Variants in TUSC3 observed in about 807,000 individuals in gnomAD.
The protein encoded by TUSC3 is tumor suppressor candidate 3, also known as dolichyl-diphosphooligosaccharide--protein glycosyltransferase subunit TUSC3.
In TUSC3, 45 loss-of-function variants were observed where a neutral mutation model predicts 44.8. The ratio of observed to expected loss-of-function variants is 1.00; its 90% CI spans 0.79 to 1.29. The LOEUF (loss-of-function observed/expected upper bound fraction) is 1.29. Ranked by LOEUF, TUSC3 falls within the 50% of genes most tolerant of loss-of-function variation. The probability of loss-of-function intolerance (pLI) is 0.00; values close to 1 mark genes in which losing one functional copy is unlikely to be tolerated. For missense variants in TUSC3, 519 were observed against 437.9 expected, an observed-to-expected ratio of 1.19 and a Z score of -1.65; for synonymous variants, 212 against 152.9, an observed-to-expected ratio of 1.39 and a Z score of -2.85.
intron 1 of TUSC3, among the ~76,000 whole-genome samples, chr8:15,595,259 A>G (rs1381218452): frequency 1.3e-5 from 2 of 152,190 alleles, no homozygotes; most frequent in Non-Finnish European, 2.9e-5. Flanking sequence ...GGATTTGATC[A>G]GCACTCAGCT....
intron 6 of TUSC3, among the ~76,000 whole-genome samples, chr8:15,680,148 G>A (rs1476513907): frequency 6.6e-6 from 1 of 151,800 alleles, no homozygotes; most frequent in African/African-American, 2.4e-5. Flanking sequence ...GAGAGGAATA[G>A]TACTGAACCC....
intron 2 of TUSC3, among the ~76,000 whole-genome samples, chr8:15,516,387 C>T (rs1244857219): frequency 6.6e-6 from 1 of 152,118 alleles, no homozygotes; most frequent in Non-Finnish European, 1.5e-5. Context: ...GACCACTTCT[C>T]ATTTTGATTA....
intron 3 of TUSC3, among the ~76,000 whole-genome samples, chr8:15,653,469 C>T (rs1233987334): frequency 6.6e-6 from 1 of 152,010 alleles, no homozygotes; most frequent in African/African-American, 2.4e-5. Flanking sequence ...TACATATAAT[C>T]ATTAAATTCT....
intron 1 of TUSC3, among the ~76,000 whole-genome samples, chr8:15,603,696 C>A (rs1804397161): frequency 1.3e-5 from 2 of 151,446 alleles, no homozygotes; most frequent in African/African-American, 4.8e-5. Flanking sequence ...TGAACATGAA[C>A]TGTGTCTTGA....
chr8:15,621,531 T>G (rs937385719), intron 1 of TUSC3, among the ~76,000 whole-genome samples: 1 of 147,788 alleles, frequency 6.8e-6, no homozygotes, highest in Admixed American at 6.8e-5. Flanking sequence ...TATATATATA[T>G]ATATAAAGTA....
At chr8:15,630,894 A>C (rs1355701300) in intron 2 of TUSC3, among the ~76,000 whole-genome samples, 2 of 152,178 alleles carry the variant, frequency 1.3e-5, no homozygotes, top group Non-Finnish European at 2.9e-5. Flanking sequence ...TCATGGGTTT[A>C]GAGTGTGAAA....
the TUSC3 span, among the ~76,000 whole-genome samples, chr8:15,780,046 ATG>A: frequency 6.6e-6 from 1 of 152,194 alleles, no homozygotes; most frequent in Non-Finnish European, 1.5e-5. Context: ...CAAACTAGCA[ATG>A]TGTTATGCCA....
intron 6 of TUSC3, among the ~76,000 whole-genome samples, chr8:15,692,902 C>T (rs1808982203): frequency 6.6e-6 from 1 of 152,090 alleles, no homozygotes; most frequent in African/African-American, 2.4e-5. Flanking sequence ...GAGCCCTTTA[C>T]CACTATGTAA....
At position 15,463,930 on chromosome 8, in the gene TUSC3, C is replaced by T. The variant is rs533728060; in HGVS notation, n.92-19456C>T. Among the ~76,000 whole-genome samples the T allele has an allele frequency of 1.5e-4, 23 of 152,252 alleles. 1 individual carries two copies. The highest frequency in any genetic ancestry group is 5.3e-4 in the African/African-American group (22 of 41,550). ...TTACTTGCCTATTTGATCATTAGTG[C>T]GCTTGCACATTTCTTTAGCAGCATT... On this transcript the variant is annotated intron_variant and non_coding_transcript_variant, in intron 1 of 5. Coordinates refer to the TUSC3 transcript ENST00000503191.
Position 15,743,632 on chromosome 8 carries a change from T to G in TUSC3, c.937+20T>G. On this transcript the variant is annotated intron_variant, in intron 8 of 10. Coordinates refer to ENST00000503731, the MANE Select transcript of TUSC3 (RefSeq NM_006765.4). ...GACGGAGTAAGTCTCTGTGTTGCCATTTTTGTAATTTCGTTTTAGTCTTAA... is the reference window on the plus strand; with the variant it reads ...GACGGAGTAAGTCTCTGTGTTGCCAGTTTTGTAATTTCGTTTTAGTCTTAA... 1 of 1,613,532 alleles carries G rather than the reference T, an allele frequency of 6.2e-7. No individual in the cohort carries two copies. The highest frequency in any genetic ancestry group is 8.5e-7 in the Non-Finnish European group (1 of 1,179,510).
At chr8:15,552,600 A>G (rs1478990891) in intron 1 of TUSC3, among the ~76,000 whole-genome samples, 1 of 151,716 alleles carries the variant, frequency 6.6e-6, no homozygotes, top group African/African-American at 2.4e-5. Flanking sequence ...AAAACACAGC[A>G]AATTCAGAGA....
chr8:15,774,068 G>C, the TUSC3 span, among the ~76,000 whole-genome samples: 2 of 152,078 alleles, frequency 1.3e-5, no homozygotes, highest in Non-Finnish European at 2.9e-5. Context: ...AAAAACTTTT[G>C]TGCATTAAAA....
the TUSC3 span, among the ~76,000 whole-genome samples, chr8:15,783,598 A>T: frequency 6.6e-6 from 1 of 152,252 alleles, no homozygotes; most frequent in Non-Finnish European, 1.5e-5. Flanking sequence ...GATTTTTGAC[A>T]AAAGTGTCAA....
rs568877523 is a variant in TUSC3 at position 15,521,901 on chromosome 8, A to C, written n.189+38418A>C. Reference sequence around the variant, plus strand: ...TGACTAGCTATTAGGTTGGTGCAAAAGTTATTGTGGTTTCTGCAATTAAAG... The same window carrying C: ...TGACTAGCTATTAGGTTGGTGCAAACGTTATTGTGGTTTCTGCAATTAAAG... On this transcript the variant is annotated intron_variant and non_coding_transcript_variant, in intron 2 of 5. Transcript: ENST00000503191. Among the ~76,000 whole-genome samples, 24 of 152,332 alleles carry C rather than the reference A, an allele frequency of 1.6e-4. No individual in the cohort carries two copies. The South Asian group carries it at 5.0e-3, about 32-fold the overall frequency.
chr8:15,502,684 G>C (rs1800984105), intron 2 of TUSC3, among the ~76,000 whole-genome samples: 2 of 152,210 alleles, frequency 1.3e-5, no homozygotes, highest in South Asian at 4.1e-4. Flanking sequence ...GTAGAGTCAG[G>C]GTTTCACCGT....
At chr8:15,612,452 C>G (rs535157103) in intron 1 of TUSC3, among the ~76,000 whole-genome samples, 2 of 152,236 alleles carry the variant, frequency 1.3e-5, no homozygotes, top group Non-Finnish European at 1.5e-5. Context: ...ATGCAATGTA[C>G]TATTTCTTGT....
chr8:15,445,302 A>G (rs1277093575), intron 1 of TUSC3, among the ~76,000 whole-genome samples: 1 of 151,592 alleles, frequency 6.6e-6, no homozygotes, highest in East Asian at 1.9e-4. Context: ...AAACTGATCT[A>G]TCCCAGGATT....
intron 2 of TUSC3, among the ~76,000 whole-genome samples, chr8:15,624,641 C>G (rs1169841669): frequency 6.6e-6 from 1 of 152,098 alleles, no homozygotes; most frequent in African/African-American, 2.4e-5. Flanking sequence ...TCTTCTGCCC[C>G]TTTCTAATTG....
intron 2 of TUSC3, 54 bp downstream of exon 2, chr8:15,623,303 T>A: frequency 6.9e-7 from 1 of 1,453,246 alleles, no homozygotes; most frequent in Non-Finnish European, 9.2e-7. Flanking sequence ...TTTACATATA[T>A]ATTTTTATGT....
Sources: allele counts gnomAD v4.1 joint callset (sites outside exome capture counted in the v4.1 genomes callset), GRCh38; gene constraint gnomAD v4.1.1; transcripts MANE v1.5; gene names NCBI Gene and HGNC (gene_info 2026-07-23, HGNC 2026-07-21).